TNN: variants seen among roughly 807,000 people sequenced by gnomAD.
TNN encodes the protein tenascin-N.
TNN carries 122 observed loss-of-function variants against 134.4 expected under a neutral mutation model. The observed-to-expected ratio is 0.91, with a 90% confidence interval of 0.78 to 1.06. The LOEUF (loss-of-function observed/expected upper bound fraction) is 1.06. Among genes scored for constraint, TNN ranks in the 50% least tolerant of loss-of-function variants. The pLI is 0.00. For missense variants in TNN, 1,739 were observed against 1,699.4 expected (o/e 1.02, Z -0.41); for synonymous variants, 710 against 670.3 (o/e 1.06, Z -0.91).
intron 12 of TNN, among the ~76,000 whole-genome samples, chr1:175,124,325 G>A (rs1018095065): frequency 5.9e-5 from 9 of 151,738 alleles, no homozygotes; most frequent in Non-Finnish European, 8.8e-5. Flanking sequence ...AATCTAAAAA[G>A]TAATATATGC....
At position 175,104,083 on chromosome 1, in the gene TNN, A is replaced by C. The variant is rs1004851538; in HGVS notation, c.2119+5488A>C. 6.2e-5 allele frequency among the ~76,000 whole-genome samples: 9 copies of C among 146,054 alleles called. 1 individual carries two copies. The highest frequency in any genetic ancestry group is 2.2e-4 in the African/African-American group (9 of 40,516). ...ATAAGGGTGTGGGACTTTCAGACATAACAAGAAAGCCATGTGAAAAGAGCA... is the reference window on the plus strand; with the variant it reads ...ATAAGGGTGTGGGACTTTCAGACATCACAAGAAAGCCATGTGAAAAGAGCA... On this transcript the variant is annotated intron_variant, in intron 9 of 18. Transcript: ENST00000239462.
chr1:175,078,050 CAG>C (rs935397940), intron 2 of TNN, among the ~76,000 whole-genome samples: 1 of 152,210 alleles, frequency 6.6e-6, no homozygotes, highest in Non-Finnish European at 1.5e-5. Flanking sequence ...GCAGCTCTTG[CAG>C]AGAGTCTAGA....
chr1:175,113,703 A>G (rs1574161811), intron 9 of TNN, among the ~76,000 whole-genome samples: 1 of 152,102 alleles, frequency 6.6e-6, no homozygotes, highest in Non-Finnish European at 1.5e-5. Flanking sequence ...ATGAATATTT[A>G]TTCACTTAAT....
chr1:175,146,910 C>CTTTTTTTTTTTTTTTT (rs11450833), intron 18 of TNN, 21 bp from the exon 19 acceptor site: 1 of 1,258,358 alleles, frequency 7.9e-7, no homozygotes, highest in African/African-American at 1.6e-5. Flanking sequence ...CTTGATGTGG[C>CTTTTTTTTTTTTTTTT]TTTTTTTTTT....
rs753854390 is a variant in TNN, at chr1:175,077,608, C to A, written c.190C>A (p.Pro64Thr). The A allele has an allele frequency of 4.3e-6, 7 of 1,614,240 alleles. No individual in the cohort carries two copies. The highest frequency in any genetic ancestry group is 5.9e-6 in the Non-Finnish European group (7 of 1,180,034). ...GGTTCAGGTTGACGCTGACCCTCAG[C>A]CCCTCAGTGACGATGGGGCTTCGCT... ...ALVQVDADPQ[P>T]LSDDGASLLA... Residue 64 changes from proline to threonine, a missense_variant, in exon 2 of 19, where the codon CCC becomes ACC. Physicochemically the swap from Pro to Thr is conservative, Grantham distance 38. Transcript: ENST00000239462.
chr1:175,105,977 G>C (rs1476053327), intron 9 of TNN, among the ~76,000 whole-genome samples: 3 of 145,544 alleles, frequency 2.1e-5, no homozygotes, highest in African/African-American at 7.4e-5. Context: ...GAATAGTTGC[G>C]CTCACCGACG....
chr1:175,109,576 AC>A (rs1350598868), intron 9 of TNN, among the ~76,000 whole-genome samples: 1 of 151,078 alleles, frequency 6.6e-6, no homozygotes, highest in African/African-American at 2.4e-5. Context: ...TAACATAATA[AC>A]CTCCAGTTTG....
chr1:175,109,587 G>T (rs1241698255), intron 9 of TNN, among the ~76,000 whole-genome samples: 1 of 151,538 alleles, frequency 6.6e-6, no homozygotes, highest in African/African-American at 2.4e-5. Flanking sequence ...CCTCCAGTTT[G>T]ATCTGTGTTG....
At position 175,123,367 on chromosome 1, in the gene TNN, A is replaced by G. The variant is rs140226152; in HGVS notation, c.2651-33A>G. 3,822 of 1,609,866 alleles carry G rather than the reference A, an allele frequency of 2.4e-3. 4 individuals carry two copies. Among genetic ancestry groups the G allele is most frequent in the Non-Finnish European group, 3.0e-3 (3,589 of 1,178,044 alleles). On this transcript the variant is annotated intron_variant, in intron 11 of 18. Coordinates refer to ENST00000239462, the MANE Select transcript of TNN (RefSeq NM_022093.2). ...AAGATGCGATGTCTTCCTTTGTTCT[A>G]AAGTTCAGCCTTTTCTAAATCTTTT... is the stretch of plus-strand genomic sequence containing the variant.
At position 175,118,550 on chromosome 1, in the gene TNN, T is replaced by TC. The variant is rs1364171379; in HGVS notation, c.2387-11_2387-10insC. 4 of 1,612,894 alleles carry TC rather than the reference T, an allele frequency of 2.5e-6. No homozygotes were observed. Among genetic ancestry groups the TC allele is most frequent in the Non-Finnish European group, 3.4e-6 (4 of 1,179,628 alleles). On this transcript the variant is annotated splice_polypyrimidine_tract_variant and intron_variant, in intron 10 of 18. Transcript: ENST00000239462. Reference sequence around the variant, plus strand: ...TTCATAGTGCATATTGGTCAGCATTTTTTTTTTCAGACATTGACAGCCCCC... The same window carrying TC: ...TTCATAGTGCATATTGGTCAGCATTTCTTTTTTTCAGACATTGACAGCCCCC...
At chr1:175,095,015 C>T (rs146891611) in intron 7 of TNN, among the ~76,000 whole-genome samples, 5 of 152,294 alleles carry the variant, frequency 3.3e-5, no homozygotes, top group African/African-American at 1.2e-4. Flanking sequence ...ATTGACTGTC[C>T]AGGTTTTAAC....
intron 18 of TNN, among the ~76,000 whole-genome samples, chr1:175,146,313 TTG>T (rs1225678148): frequency 6.6e-6 from 1 of 152,244 alleles, no homozygotes; most frequent in Non-Finnish European, 1.5e-5. Flanking sequence ...ATTTAGCTTC[TTG>T]TTTATTATTT....
At position 175,077,631 on chromosome 1, in the gene TNN, G is replaced by A. The variant is rs544463439; in HGVS notation, c.213G>A (p.Ser71=). 2.7e-5 allele frequency: 44 copies of A among 1,614,086 alleles called. No homozygotes were observed. In the Middle Eastern group the frequency reaches 4.9e-4, roughly 18 times the overall value. Residue 71 remains serine (S), a synonymous_variant, in exon 2 of 19, where the codon TCG becomes TCA. Transcript: ENST00000239462. ...DPQPLSDDGA[S]LLALGEAREE... ...AGCCCCTCAGTGACGATGGGGCTTC[G>A]CTCTTGGCCCTGGGGGAGGCCAGGG...
chr1:175,083,152 C>T (rs1376555855), intron 4 of TNN, among the ~76,000 whole-genome samples: 3 of 152,178 alleles, frequency 2.0e-5, no homozygotes, highest in Admixed American at 2.0e-4. Flanking sequence ...AGGAAGTACA[C>T]TCAGATGGAC....
intron 13 of TNN, 89 bp downstream of exon 13, chr1:175,127,174 C>G: frequency 6.7e-7 from 1 of 1,495,752 alleles, no homozygotes; most frequent in Non-Finnish European, 9.0e-7. Flanking sequence ...GCTGGCCTCA[C>G]GGCAACTTGC....
intron 2 of TNN, among the ~76,000 whole-genome samples, chr1:175,078,789 C>A (rs143346961): frequency 5.6e-4 from 85 of 152,292 alleles, no homozygotes; most frequent in African/African-American, 2.0e-3. Flanking sequence ...CTCCACTGTA[C>A]CCATAGTTGA....
In TNN at chr1:175,067,838, G is replaced by C. The variant is rs764414481; in HGVS notation, c.-133G>C. On this transcript the variant is annotated 5_prime_UTR_variant, in exon 1 of 19. Coordinates refer to ENST00000239462, the MANE Select transcript of TNN (RefSeq NM_022093.2). ...CCAGGAAGGGAAGCCAAGGAGAGAC[G>C]AGAACCAGGGACGACCAGCAAGTAC... 6.1e-6 allele frequency: 3 copies of C among 491,976 alleles called. No individual in the cohort carries two copies. The East Asian group carries it at 1.8e-4, about 29-fold the overall frequency. 30.5% of individuals were successfully genotyped at this position (491,976 alleles called of 1,614,324 possible).
intron 5 of TNN, among the ~76,000 whole-genome samples, chr1:175,085,134 G>T (rs1013643042): frequency 2.0e-5 from 3 of 152,252 alleles, no homozygotes; most frequent in Non-Finnish European, 4.4e-5. Flanking sequence ...GCCCAGTGAA[G>T]AACCAGAGAA....
chr1:175,103,376 T>A (rs1674778039), intron 9 of TNN, among the ~76,000 whole-genome samples: 2 of 145,884 alleles, frequency 1.4e-5, no homozygotes, highest in Non-Finnish European at 1.5e-5. Flanking sequence ...AGTGAGGAGG[T>A]CTAGGCCTCT....
Sources: gnomAD v4.1 joint callset for allele counts (sites outside exome capture counted in the v4.1 genomes callset) on GRCh38, gnomAD v4.1.1 for gene constraint, MANE v1.5 for transcripts, NCBI Gene and HGNC (gene_info 2026-07-23, HGNC 2026-07-21) for gene names.